The following NTM variants were observed in gnomAD, a reference collection of about 807,000 sequenced individuals.
NTM encodes the protein IgLON family member 2.
NTM carries 13 observed loss-of-function variants against 42.1 expected under a neutral mutation model. The observed-to-expected ratio is 0.31, with a 90% CI of 0.20 to 0.49. NTM has a LOEUF of 0.49. NTM is among the 20% of genes least tolerant of loss of function. The pLI is 0.99. For synonymous variants in NTM, 187 were observed against 179.2 expected, an observed-to-expected ratio of 1.04 and a Z score of -0.35; for missense variants, 373 against 452.8, an observed-to-expected ratio of 0.82 and a Z score of 1.60.
chr11:131,952,872 A>G (rs763975504), intron 2 of NTM, among the ~76,000 whole-genome samples: 3 of 152,162 alleles, frequency 2.0e-5, no homozygotes, highest in African/African-American at 4.8e-5. Flanking sequence ...TGCCCTTGCT[A>G]TCTATCATGA....
intron 1 of NTM, among the ~76,000 whole-genome samples, chr11:131,689,221 G>C (rs563425169): frequency 1.3e-5 from 2 of 152,202 alleles, no homozygotes; most frequent in Admixed American, 6.5e-5. Context: ...ATGAGGCAGC[G>C]GGGAGGGCCC....
chr11:132,201,431 C>T (rs906675537), intron 3 of NTM, among the ~76,000 whole-genome samples: 1 of 152,138 alleles, frequency 6.6e-6, no homozygotes, highest in African/African-American at 2.4e-5. Flanking sequence ...CAGTAAGGTG[C>T]CAGATGCCAA....
chr11:132,048,215 T>C (rs1045926552), intron 2 of NTM, among the ~76,000 whole-genome samples: 3 of 152,074 alleles, frequency 2.0e-5, no homozygotes, highest in Non-Finnish European at 2.9e-5. Flanking sequence ...TGCTGCCAAA[T>C]GTGAAGGAAC....
chr11:131,574,232 G>A (rs1592095628), intron 1 of NTM, among the ~76,000 whole-genome samples: 1 of 152,160 alleles, frequency 6.6e-6, no homozygotes, highest in Admixed American at 6.5e-5. Context: ...ACCATTCAGG[G>A]GTGGCTGCAA....
chr11:131,782,731 G>A (rs1469157657), intron 1 of NTM, among the ~76,000 whole-genome samples: 1 of 152,126 alleles, frequency 6.6e-6, no homozygotes, highest in Admixed American at 6.6e-5. Flanking sequence ...TTAATAAAAT[G>A]AAGGGGACAA....
Position 132,237,339 on chromosome 11 carries a change from C to T in NTM, c.526+25192C>T, listed in dbSNP as rs1374338645. On this transcript the variant is annotated intron_variant, in intron 4 of 8. Coordinates refer to ENST00000683400, the MANE Select transcript of NTM (RefSeq NM_001352005.2). ...GGGCCTTTCCAGTGCCCTCAGTTTG[C>T]GATCTGACCTCAGGGTTTTTCTTTG... Among the ~76,000 whole-genome samples, 9 of 152,120 alleles carry T rather than the reference C, an allele frequency of 5.9e-5. No individual in the cohort carries two copies. In the South Asian group the frequency reaches 1.0e-3, roughly 18 times the overall value.
chr11:131,673,520 G>A lies in NTM; in HGVS notation c.83-238044G>A, dbSNP rs565653454. Among the ~76,000 whole-genome samples, 6 of 152,284 alleles carry A rather than the reference G, an allele frequency of 3.9e-5. No homozygotes were observed. The East Asian group carries it at 1.2e-3, about 29-fold the overall frequency. ...TTCTTCTTATCTCTTCATCATCTGG[G>A]TCACCTGCCCACCTCTGGACAAAGC... On this transcript the variant is annotated intron_variant, in intron 1 of 8. Transcript: ENST00000683400.
intron 1 of NTM, among the ~76,000 whole-genome samples, chr11:131,651,489 G>A (rs1427905085): frequency 2.0e-5 from 3 of 152,172 alleles, no homozygotes; most frequent in Non-Finnish European, 4.4e-5. Flanking sequence ...AGGATTCTTG[G>A]TCATACATTC....
chr11:132,164,958 G>A (rs2075025870), intron 3 of NTM, among the ~76,000 whole-genome samples: 1 of 152,080 alleles, frequency 6.6e-6, no homozygotes, highest in Non-Finnish European at 1.5e-5. Flanking sequence ...TGCCTCCCTG[G>A]ACTCTGTCTA....
chr11:131,374,868 C>T (rs1269577591), intron 1 of NTM, among the ~76,000 whole-genome samples: 1 of 152,164 alleles, frequency 6.6e-6, no homozygotes, highest in Non-Finnish European at 1.5e-5. Context: ...AATGCTCTTG[C>T]CATTCAATCA....
intron 1 of NTM, among the ~76,000 whole-genome samples, chr11:131,842,355 G>T (rs1332000914): frequency 6.6e-6 from 1 of 152,200 alleles, no homozygotes; most frequent in East Asian, 1.9e-4. Flanking sequence ...TGAGTTTACA[G>T]TGTTTGTGTT....
At chr11:131,652,639 G>A (rs1035376546) in intron 1 of NTM, among the ~76,000 whole-genome samples, 1 of 152,224 alleles carries the variant, frequency 6.6e-6, no homozygotes, top group Non-Finnish European at 1.5e-5. Context: ...GGCAGAGCGG[G>A]TTCTGGAGTG....
intron 1 of NTM, among the ~76,000 whole-genome samples, chr11:131,856,666 GC>G (rs2046131967): frequency 6.6e-6 from 1 of 152,146 alleles, no homozygotes; most frequent in Non-Finnish European, 1.5e-5. Flanking sequence ...TGTAATACCA[GC>G]CAAAAGAAAA....
intron 1 of NTM, among the ~76,000 whole-genome samples, chr11:131,460,801 G>A (rs796392420): frequency 2.6e-5 from 4 of 152,166 alleles, no homozygotes; most frequent in South Asian, 2.1e-4. Flanking sequence ...TGATCCGCCC[G>A]CTTGGGCCTC....
At chr11:132,138,361 G>A (rs1382097392) in intron 2 of NTM, among the ~76,000 whole-genome samples, 1 of 152,140 alleles carries the variant, frequency 6.6e-6, no homozygotes, top group Admixed American at 6.5e-5. Flanking sequence ...TAATATTTAA[G>A]CTTGACCTTG....
intron 4 of NTM, among the ~76,000 whole-genome samples, chr11:132,222,467 T>C (rs1310664325): frequency 6.6e-6 from 1 of 152,222 alleles, no homozygotes. Context: ...TATCTGAGTC[T>C]GTTCAGTTTC....
chr11:131,656,265 T>C (rs1425359304), intron 1 of NTM, among the ~76,000 whole-genome samples: 1 of 152,228 alleles, frequency 6.6e-6, no homozygotes, highest in Non-Finnish European at 1.5e-5. Context: ...ACCATCCCAG[T>C]TACGGGGGTG....
At chr11:131,765,371 C>T (rs1591684804) in intron 1 of NTM, among the ~76,000 whole-genome samples, 1 of 152,224 alleles carries the variant, frequency 6.6e-6, no homozygotes, top group South Asian at 2.1e-4. Context: ...CAGGGCGCCA[C>T]ACCTTCTGAG....
chr11:132,262,675 A>G (rs2092935151), intron 4 of NTM, among the ~76,000 whole-genome samples: 1 of 152,116 alleles, frequency 6.6e-6, no homozygotes, highest in Non-Finnish European at 1.5e-5. Context: ...TACCATCACA[A>G]TGAGGATTAG....
Sources: allele counts gnomAD v4.1 joint callset (sites outside exome capture counted in the v4.1 genomes callset), GRCh38; gene constraint gnomAD v4.1.1; transcripts MANE v1.5; gene names NCBI Gene and HGNC (gene_info 2026-07-23, HGNC 2026-07-21).